The following OCA2 variants were observed in gnomAD, a reference collection of about 807,000 sequenced individuals.
The protein encoded by OCA2 is P protein.
OCA2 carries 77 observed loss-of-function variants against 100.2 expected under a neutral mutation model. The observed-to-expected ratio is 0.77, with a 90% CI of 0.64 to 0.93. The LOEUF is 0.93. Ranked by LOEUF, OCA2 falls within the 40% of genes least tolerant of loss-of-function variation. The pLI is 0.00. For missense variants in OCA2, 1,062 were observed against 1,089.1 expected (o/e 0.98, Z 0.35); for synonymous variants, 432 against 439.2 (o/e 0.98, Z 0.21).
chr15:28,012,390 G>C (rs1207166211), intron 9 of OCA2, among the ~76,000 whole-genome samples: 1 of 151,984 alleles, frequency 6.6e-6, no homozygotes, highest in Non-Finnish European at 1.5e-5. Context: ...GCTGCATGGG[G>C]AGGCAGCCTC....
intron 6 of OCA2, among the ~76,000 whole-genome samples, chr15:28,021,497 G>A (rs1265953793): frequency 6.6e-6 from 1 of 152,242 alleles, no homozygotes; most frequent in Non-Finnish European, 1.5e-5. Context: ...GCGGGATTCA[G>A]CCAGAAAATG....
chr15:27,982,586 C>G (rs966207412), intron 14 of OCA2, among the ~76,000 whole-genome samples: 1 of 152,162 alleles, frequency 6.6e-6, no homozygotes, highest in Admixed American at 6.5e-5. Flanking sequence ...CCATTAACAC[C>G]CTGGAGCCAT....
chr15:27,901,500 G>A (rs994374967), intron 19 of OCA2, among the ~76,000 whole-genome samples: 2 of 152,270 alleles, frequency 1.3e-5, no homozygotes, highest in Non-Finnish European at 2.9e-5. Context: ...CCATGAGGTC[G>A]TGGCCTCTTT....
At chr15:27,770,402 T>A (rs2151030400) in intron 23 of OCA2, among the ~76,000 whole-genome samples, 1 of 152,260 alleles carries the variant, frequency 6.6e-6, no homozygotes, top group Non-Finnish European at 1.5e-5. Flanking sequence ...GCTGTCCCCG[T>A]CTCCGCCGGC....
chr15:28,016,313 C>G (rs2042392356), intron 7 of OCA2, 127 bp from the exon 8 acceptor site: 1 of 775,736 alleles, frequency 1.3e-6, no homozygotes, highest in Non-Finnish European at 2.3e-6. Context: ...AGGAGAGCAT[C>G]TTTATTTGAG....
intron 23 of OCA2, among the ~76,000 whole-genome samples, chr15:27,781,837 A>C (rs1167054161): frequency 6.6e-6 from 1 of 152,242 alleles, no homozygotes; most frequent in Non-Finnish European, 1.5e-5. Flanking sequence ...TTTTAAAATG[A>C]GAATCTTGAA....
At chr15:28,049,734 G>A (rs562207235) in intron 2 of OCA2, among the ~76,000 whole-genome samples, 2 of 152,272 alleles carry the variant, frequency 1.3e-5, no homozygotes, top group Non-Finnish European at 2.9e-5. Flanking sequence ...ATGAGTTCAC[G>A]TGTATGAAAT....
At chr15:28,079,109 G>A (rs1334142386) in intron 2 of OCA2, among the ~76,000 whole-genome samples, 2 of 152,106 alleles carry the variant, frequency 1.3e-5, no homozygotes, top group Non-Finnish European at 1.5e-5. Flanking sequence ...CCTTTTCAAC[G>A]CAGTCTGAAG....
chr15:28,018,062 C>G (rs1003995664), intron 7 of OCA2, among the ~76,000 whole-genome samples: 1 of 150,044 alleles, frequency 6.7e-6, no homozygotes, highest in Admixed American at 6.7e-5. Flanking sequence ...TGAACCCTGA[C>G]GTAAGGCCCG....
chr15:28,078,869 T>C (rs1271336288), intron 2 of OCA2, among the ~76,000 whole-genome samples: 1 of 152,226 alleles, frequency 6.6e-6, no homozygotes, highest in Non-Finnish European at 1.5e-5. Flanking sequence ...CTGCCTTGTT[T>C]CACACAGATT....
chr15:27,767,101 T>C (rs61057553), intron 23 of OCA2, among the ~76,000 whole-genome samples: 6,412 of 152,162 alleles, frequency 0.042, 450 homozygotes, highest in African/African-American at 0.15. Context: ...TGCTATTACT[T>C]GCCTTTGGGC....
chr15:27,831,986 C>A (rs2151317927), intron 23 of OCA2, among the ~76,000 whole-genome samples: 2 of 151,844 alleles, frequency 1.3e-5, no homozygotes, highest in South Asian at 4.2e-4. Flanking sequence ...GCTCAGGCGC[C>A]TTCTCTCCCT....
At chr15:27,747,107 G>A in the OCA2 span, among the ~76,000 whole-genome samples, 1 of 152,096 alleles carries the variant, frequency 6.6e-6, no homozygotes. Context: ...CCAGGAAACA[G>A]GCACACAGAC....
At chr15:27,948,741 C>T (rs548792259) in intron 18 of OCA2, among the ~76,000 whole-genome samples, 15 of 152,294 alleles carry the variant, frequency 9.8e-5, no homozygotes, top group South Asian at 4.2e-4. Context: ...GCTAGGATTA[C>T]GGGCATGAGC....
intron 23 of OCA2, among the ~76,000 whole-genome samples, chr15:27,793,374 C>T (rs1374944784): frequency 6.6e-6 from 1 of 150,730 alleles, no homozygotes; most frequent in Non-Finnish European, 1.5e-5. Context: ...AACATGCCCA[C>T]CTGGTAAAAC....
At chr15:27,976,230 C>G (rs1181563568) in intron 14 of OCA2, among the ~76,000 whole-genome samples, 1 of 152,174 alleles carries the variant, frequency 6.6e-6, no homozygotes, top group Admixed American at 6.5e-5. Flanking sequence ...TTCTTCCTTA[C>G]CAATATTGAT....
chr15:27,861,130 A>T (rs1403527353), intron 21 of OCA2, among the ~76,000 whole-genome samples: 3 of 152,152 alleles, frequency 2.0e-5, no homozygotes, highest in Non-Finnish European at 4.4e-5. Flanking sequence ...AGGGGACAGG[A>T]GTATAGATGG....
At chr15:28,098,138 A>G (rs1020050329) in intron 1 of OCA2, among the ~76,000 whole-genome samples, 2 of 152,210 alleles carry the variant, frequency 1.3e-5, no homozygotes, top group African/African-American at 4.8e-5. Flanking sequence ...TCATCAGTGT[A>G]ATGAAACTTT....
At chr15:27,881,744 A>G (rs572838494) in intron 19 of OCA2, among the ~76,000 whole-genome samples, 3 of 152,078 alleles carry the variant, frequency 2.0e-5, no homozygotes, top group East Asian at 3.9e-4. Context: ...TATTGTGTCT[A>G]TTTGATTCTT....
Sources: gnomAD v4.1 joint callset for allele counts (sites outside exome capture counted in the v4.1 genomes callset) on GRCh38, gnomAD v4.1.1 for gene constraint, MANE v1.5 for transcripts, NCBI Gene and HGNC (gene_info 2026-07-23, HGNC 2026-07-21) for gene names.